CKAP5: variants seen among roughly 807,000 people sequenced by gnomAD.
CKAP5 encodes cytoskeleton-associated protein 5.
A neutral mutation model predicts 232.8 loss-of-function variants in CKAP5; 27 were observed. That is an observed-to-expected ratio of 0.12 (90% CI 0.09 to 0.16). CKAP5 has a LOEUF of 0.16. Among genes scored for constraint, CKAP5 ranks in the 10% least tolerant of loss-of-function variants. The pLI, the probability that CKAP5 is intolerant of heterozygous loss-of-function variation, is 1.00. For missense variants in CKAP5, 1,838 were observed against 2,424.7 expected, an observed-to-expected ratio of 0.76 and a Z score of 5.08; for synonymous variants, 785 against 841.1, an observed-to-expected ratio of 0.93 and a Z score of 1.16.
intron 38 of CKAP5, among the ~76,000 whole-genome samples, chr11:46,751,802 G>A (rs540327324): frequency 6.6e-6 from 1 of 152,070 alleles, no homozygotes; most frequent in Non-Finnish European, 1.5e-5. Flanking sequence ...CATTTAACCT[G>A]GTAGAAATTC....
chr11:46,746,480 T>C (rs2065023146), intron 42 of CKAP5, among the ~76,000 whole-genome samples: 1 of 152,226 alleles, frequency 6.6e-6, no homozygotes, highest in African/African-American at 2.4e-5. Flanking sequence ...TTCATTGTTA[T>C]GTGAACACCT....
At chr11:46,752,602 G>C (rs779256294) in intron 38 of CKAP5, 33 bp downstream of exon 38, 1 of 1,547,266 alleles carries the variant, frequency 6.5e-7, no homozygotes, top group Admixed American at 1.7e-5. Flanking sequence ...TTGCATCTTT[G>C]AAAGAAAAGA....
At chr11:46,755,613 T>C (rs778390059) in intron 35 of CKAP5, among the ~76,000 whole-genome samples, 19 of 151,600 alleles carry the variant, frequency 1.3e-4, no homozygotes, top group Non-Finnish European at 2.4e-4. Flanking sequence ...AAGAGGCTCA[T>C]TGTCTAGTTC....
Position 46,770,886 on chromosome 11 carries a change from G to C in CKAP5, c.3088C>G (p.Arg1030Gly). Residue 1030 changes from arginine to glycine, a missense_variant, in exon 25 of 44, where the codon CGA becomes GGA. Transcript: ENST00000529230. Reference sequence around the variant, plus strand: ...GCCTTCTTTCGCACATCTCCATTTCGATCTTCTAGGCAGGAGTAGAGATGA... The same window carrying C: ...GCCTTCTTTCGCACATCTCCATTTCCATCTTCTAGGCAGGAGTAGAGATGA... The part of the protein sequence containing the change: ...VPHLYSCLED[R>G]NGDVRKKAQD... The C allele has an allele frequency of 6.2e-7, 1 of 1,613,980 alleles. No homozygotes were observed. The highest frequency in any genetic ancestry group is 8.5e-7 in the Non-Finnish European group (1 of 1,179,960).
intron 4 of CKAP5, among the ~76,000 whole-genome samples, chr11:46,814,344 C>T (rs528726278): frequency 6.6e-6 from 1 of 151,916 alleles, no homozygotes; most frequent in Non-Finnish European, 1.5e-5. Flanking sequence ...ACTTCATTCA[C>T]GTAAGAATCT....
chr11:46,751,881 G>T (rs2134570744), intron 38 of CKAP5, among the ~76,000 whole-genome samples: 1 of 151,978 alleles, frequency 6.6e-6, no homozygotes, highest in East Asian at 1.9e-4. Context: ...AATGCAAGGG[G>T]ACAAAATATC....
At chr11:46,824,909 G>A (rs1282109014) in intron 1 of CKAP5, among the ~76,000 whole-genome samples, 1 of 152,156 alleles carries the variant, frequency 6.6e-6, no homozygotes, top group African/African-American at 2.4e-5. Context: ...ATTTGATCTA[G>A]TCCCTAGTAA....
intron 27 of CKAP5, among the ~76,000 whole-genome samples, chr11:46,766,520 G>A (rs1242322489): frequency 1.3e-5 from 2 of 152,122 alleles, no homozygotes; most frequent in Non-Finnish European, 2.9e-5. Context: ...CCTAGAGTGT[G>A]TACTCCAAAA....
At chr11:46,761,621 G>C (rs1034620723) in intron 32 of CKAP5, among the ~76,000 whole-genome samples, 1 of 152,142 alleles carries the variant, frequency 6.6e-6, no homozygotes. Flanking sequence ...GATGTGATCT[G>C]ACAGATACTA....
chr11:46,765,379 G>T, intron 27 of CKAP5, 123 bp from the exon 28 acceptor site: 1 of 852,624 alleles, frequency 1.2e-6, no homozygotes, highest in South Asian at 2.9e-5. Context: ...TATTTCACAT[G>T]AAAAAAACAT....
Position 46,762,060 on chromosome 11 carries a change from G to A in CKAP5, c.4161C>T (p.Leu1387=). The A allele has an allele frequency of 6.2e-7, 1 of 1,614,086 alleles. No homozygotes were observed. Among genetic ancestry groups the A allele is most frequent in the Non-Finnish European group, 8.5e-7 (1 of 1,179,944 alleles). The stretch of plus-strand genomic sequence containing the variant: ...CATTGTACACCGTTACAATGGTGTT[G>A]AGTGCAGCATTGCGTACAGCATTGT... The part of the protein sequence containing the change: ...DRDNAVRNAA[L]NTIVTVYNVH... The change falls in exon 32 of 44, where the codon CTC becomes CTT. Residue 1387 remains leucine (L), a synonymous_variant. Transcript: ENST00000529230.
chr11:46,779,011 T>C (rs999454967), intron 20 of CKAP5, among the ~76,000 whole-genome samples: 7 of 152,064 alleles, frequency 4.6e-5, no homozygotes, highest in Admixed American at 4.6e-4. Context: ...ACCTGGAAGG[T>C]GGAGGTTGGA....
At chr11:46,817,112 G>GAA (rs75795895) in intron 3 of CKAP5, among the ~76,000 whole-genome samples, 3 of 107,148 alleles carry the variant, frequency 2.8e-5, no homozygotes, top group Non-Finnish European at 4.0e-5. Context: ...GTATCAAAAA[G>GAA]AAAAAAAAAA....
At chr11:46,822,529 G>A (rs1382554067) in intron 1 of CKAP5, among the ~76,000 whole-genome samples, 3 of 151,954 alleles carry the variant, frequency 2.0e-5, no homozygotes, top group Non-Finnish European at 2.9e-5. Flanking sequence ...CGAGCCGGGC[G>A]GATCACGAGG....
At chr11:46,747,431 G>A (rs1044115577) in intron 42 of CKAP5, among the ~76,000 whole-genome samples, 14 of 151,660 alleles carry the variant, frequency 9.2e-5, no homozygotes, top group Middle Eastern at 3.4e-3. Flanking sequence ...GTGAAACCCC[G>A]CCTCTACTAA....
intron 3 of CKAP5, 47 bp downstream of exon 3, chr11:46,818,263 C>T: frequency 7.0e-7 from 1 of 1,424,842 alleles, no homozygotes; most frequent in Non-Finnish European, 9.5e-7. Context: ...CATTATGTAA[C>T]ACCAAACAGG....
At chr11:46,781,791 T>C (rs2065344055) in intron 18 of CKAP5, among the ~76,000 whole-genome samples, 5 of 152,294 alleles carry the variant, frequency 3.3e-5, no homozygotes, top group Admixed American at 3.3e-4. Flanking sequence ...TAACCCTTCA[T>C]CCTGCTTTAC....
intron 1 of CKAP5, among the ~76,000 whole-genome samples, chr11:46,834,152 C>A (rs1445176728): frequency 6.6e-6 from 1 of 152,088 alleles, no homozygotes; most frequent in East Asian, 1.9e-4. Context: ...TAAGCATCAT[C>A]CCAGTGTCAT....
chr11:46,745,850 G>A (rs1459415793), intron 42 of CKAP5, among the ~76,000 whole-genome samples: 3 of 152,018 alleles, frequency 2.0e-5, no homozygotes. Context: ...TACTCGGGAG[G>A]CCAAGACATG....
Sources: gnomAD v4.1 joint callset for allele counts (sites outside exome capture counted in the v4.1 genomes callset) on GRCh38, gnomAD v4.1.1 for gene constraint, MANE v1.5 for transcripts, NCBI Gene and HGNC (gene_info 2026-07-23, HGNC 2026-07-21) for gene names.